The following PIK3CB variants were observed in gnomAD, a reference collection of about 807,000 sequenced individuals.
The protein encoded by PIK3CB is phosphatidylinositol 4,5-bisphosphate 3-kinase catalytic subunit beta isoform.
PIK3CB carries 39 observed loss-of-function variants against 136.8 expected under a neutral mutation model. The observed-to-expected ratio is 0.29, with a 90% confidence interval of 0.22 to 0.37. The LOEUF (loss-of-function observed/expected upper bound fraction) is 0.37, where lower values mean the gene tolerates loss of function less well. Among genes scored for constraint, PIK3CB ranks in the 10% least tolerant of loss-of-function variants. PIK3CB has a pLI of 1.00. For synonymous variants in PIK3CB, 428 were observed against 436.6 expected (o/e 0.98, Z 0.25); for missense variants, 868 against 1,275.4 (o/e 0.68, Z 4.87).
In PIK3CB at chr3:138,667,573, A is replaced by T. The variant is rs537292951; in HGVS notation, c.2505-2370T>A. 7.9e-5 allele frequency among the ~76,000 whole-genome samples: 12 copies of T among 151,010 alleles called. No individual in the cohort carries two copies. The South Asian group carries it at 1.7e-3, about 21-fold the overall frequency. On this transcript the variant is annotated intron_variant, in intron 19 of 23. Coordinates refer to ENST00000674063, the MANE Select transcript of PIK3CB (RefSeq NM_006219.3). ...TTATTTTTATTTTATTTATTTATTT[A>T]TTTTTTGAGACAGAGTCTCGCTCTG...
chr3:138,800,962 A>C (rs2046168065), intron 1 of PIK3CB, among the ~76,000 whole-genome samples: 1 of 152,120 alleles, frequency 6.6e-6, no homozygotes, highest in Non-Finnish European at 1.5e-5. Flanking sequence ...GAATTATTTC[A>C]AAATCACATA....
chr3:138,825,305 C>T (rs180762452), intron 1 of PIK3CB: 9 of 486,910 alleles, frequency 1.8e-5, no homozygotes, highest in Admixed American at 1.1e-4. Flanking sequence ...CTGCTGGTGT[C>T]GGAGAATTTA....
intron 2 of PIK3CB, among the ~76,000 whole-genome samples, chr3:138,775,614 T>C (rs1345428939): frequency 2.0e-5 from 3 of 152,116 alleles, no homozygotes; most frequent in Non-Finnish European, 4.4e-5. Context: ...ATCTAAAAAG[T>C]TGAGGCAGCA....
intron 2 of PIK3CB, among the ~76,000 whole-genome samples, chr3:138,787,139 A>T (rs1421790607): frequency 1.3e-5 from 2 of 152,232 alleles, no homozygotes; most frequent in African/African-American, 4.8e-5. Context: ...AGAAAGAGGA[A>T]CTTGGAAAAA....
chr3:138,773,871 ATTTGGGACATGGGAACTATCATTAAGTG>A (rs2045828000), intron 2 of PIK3CB, among the ~76,000 whole-genome samples: 1 of 152,192 alleles, frequency 6.6e-6, no homozygotes, highest in Non-Finnish European at 1.5e-5. Flanking sequence ...AGTGAACAGT[ATTTGGGACATGGGAACTATCATTAAGTG>A]TTAAGCTATT....
At chr3:138,690,633 C>G (rs1182530909) in intron 15 of PIK3CB, among the ~76,000 whole-genome samples, 4 of 148,048 alleles carry the variant, frequency 2.7e-5, no homozygotes, top group African/African-American at 1.0e-4. Context: ...GCATTGAGCC[C>G]AAATATATTA....
At chr3:138,818,798 A>G (rs1933440807) in intron 1 of PIK3CB, among the ~76,000 whole-genome samples, 3 of 152,206 alleles carry the variant, frequency 2.0e-5, no homozygotes, top group Non-Finnish European at 4.4e-5. Context: ...TTGGAAACAA[A>G]ATGTATACAT....
In PIK3CB at chr3:138,700,250, GTCCA is replaced by G. The variant is rs911299586; in HGVS notation, c.1582-1159_1582-1156del. The stretch of plus-strand genomic sequence containing the variant: ...ATTCCATCCGTTTGTTTATCCGTCC[GTCCA>G]TCCATCCATCCATCCATCCCTACAT... On this transcript the variant is annotated intron_variant, in intron 12 of 23. Coordinates refer to ENST00000674063, the MANE Select transcript of PIK3CB (RefSeq NM_006219.3). Among the ~76,000 whole-genome samples the G allele has an allele frequency of 4.6e-5, 7 of 151,736 alleles. No homozygotes were observed. The South Asian group carries it at 8.3e-4, about 18-fold the overall frequency.
chr3:138,774,967 AGT>A (rs1183081427), intron 2 of PIK3CB, among the ~76,000 whole-genome samples: 1 of 152,268 alleles, frequency 6.6e-6, no homozygotes, highest in African/African-American at 2.4e-5. Flanking sequence ...TGGTCTGGCA[AGT>A]ACTTATCATT....
At chr3:138,734,859 T>C (rs1165231512) in intron 6 of PIK3CB, 55 bp from the exon 7 acceptor site, 3 of 1,237,374 alleles carry the variant, frequency 2.4e-6, no homozygotes, top group East Asian at 2.5e-5. Context: ...CCTAAATCAA[T>C]AGAATAAAAT....
intron 4 of PIK3CB, among the ~76,000 whole-genome samples, chr3:138,746,015 G>A (rs2045347940): frequency 6.6e-6 from 1 of 152,114 alleles, no homozygotes; most frequent in South Asian, 2.1e-4. Context: ...GGGAGGCCGA[G>A]GTGGGAGGAT....
intron 1 of PIK3CB, among the ~76,000 whole-genome samples, chr3:138,819,634 T>C (rs1933472525): frequency 6.6e-6 from 1 of 152,132 alleles, no homozygotes; most frequent in Non-Finnish European, 1.5e-5. Flanking sequence ...ATCTCAAAGA[T>C]TTTTATATAA....
rs148156554 is a variant in PIK3CB at position 138,691,673 on chromosome 3, G to A, written c.1893-530C>T. 4.4e-3 allele frequency among the ~76,000 whole-genome samples: 663 copies of A among 152,292 alleles called. 7 individuals carry two copies. The Middle Eastern group carries it at 0.044, about 10-fold the overall frequency. On this transcript the variant is annotated intron_variant, in intron 14 of 23. Coordinates refer to ENST00000674063, the MANE Select transcript of PIK3CB (RefSeq NM_006219.3). ...AGTTTTGTGAGGCCTCCCTAGCCAT[G>A]TGGAACTGTGAGTCAATTAAACATC...
intron 2 of PIK3CB, among the ~76,000 whole-genome samples, chr3:138,788,100 T>G (rs563371525): frequency 6.6e-6 from 1 of 151,962 alleles, no homozygotes; most frequent in Admixed American, 6.6e-5. Context: ...TTTTTGTATT[T>G]TTGGTGGAGA....
At chr3:138,790,912 G>T (rs992064084) in intron 2 of PIK3CB, among the ~76,000 whole-genome samples, 2 of 150,294 alleles carry the variant, frequency 1.3e-5, no homozygotes, top group Non-Finnish European at 3.0e-5. Flanking sequence ...GCAGCAAGCC[G>T]AGATCACACC....
chr3:138,693,992 A>ATATATTTT (rs2044081593), intron 14 of PIK3CB, among the ~76,000 whole-genome samples: 1 of 113,342 alleles, frequency 8.8e-6, no homozygotes, highest in Admixed American at 9.5e-5. Context: ...ATATATATAT[A>ATATATTTT]TTTTAAACCC....
At chr3:138,661,379 C>T (rs2043293126) in intron 21 of PIK3CB, among the ~76,000 whole-genome samples, 2 of 152,116 alleles carry the variant, frequency 1.3e-5, no homozygotes, top group African/African-American at 2.4e-5. Flanking sequence ...CTTGCGTACC[C>T]CTTTACAAGT....
At chr3:138,672,910 G>GAAAAAA (rs748631273) in intron 19 of PIK3CB, among the ~76,000 whole-genome samples, 2 of 61,344 alleles carry the variant, frequency 3.3e-5, no homozygotes, top group Non-Finnish European at 3.3e-5. Context: ...AGACTCCGTT[G>GAAAAAA]AAAAAAAAAA....
chr3:138,705,154 G>GA (rs1559828431), intron 11 of PIK3CB, among the ~76,000 whole-genome samples: 1 of 29,884 alleles, frequency 3.3e-5, no homozygotes, highest in Non-Finnish European at 6.1e-5. Flanking sequence ...GATTAGAAAG[G>GA]CAAAAAAAAA....
Sources: allele counts gnomAD v4.1 joint callset (sites outside exome capture counted in the v4.1 genomes callset), GRCh38; gene constraint gnomAD v4.1.1; transcripts MANE v1.5; gene names NCBI Gene and HGNC (gene_info 2026-07-23, HGNC 2026-07-21).